ARHGEF17: variants seen among roughly 807,000 people sequenced by gnomAD.
ARHGEF17 encodes the protein 164 kDa Rho-specific guanine-nucleotide exchange factor.
ARHGEF17 carries 80 observed loss-of-function variants against 174.0 expected under a neutral mutation model. That is an observed-to-expected ratio of 0.46 (90% CI 0.38 to 0.55). The LOEUF (loss-of-function observed/expected upper bound fraction) is 0.55. ARHGEF17 is among the 20% of genes least tolerant of loss of function. The pLI, the probability that ARHGEF17 is intolerant of heterozygous loss-of-function variation, is 0.00. For missense variants in ARHGEF17, 2,886 were observed against 2,839.7 expected, an observed-to-expected ratio of 1.02 and a Z score of -0.37; for synonymous variants, 1,311 against 1,189.1, an observed-to-expected ratio of 1.10 and a Z score of -2.11.
chr11:73,362,765 C>T, intron 14 of ARHGEF17, 31 bp downstream of exon 14: 2 of 1,581,748 alleles, frequency 1.3e-6, no homozygotes, highest in Non-Finnish European at 1.7e-6. Context: ...CCAACTTGGC[C>T]TTGGCAGGCA....
chr11:73,321,090 C>A (rs534867567), intron 1 of ARHGEF17, among the ~76,000 whole-genome samples: 1 of 152,302 alleles, frequency 6.6e-6, no homozygotes, highest in South Asian at 2.1e-4. Flanking sequence ...GGCTGCTGGG[C>A]ACCTCTTTCC....
chr11:73,332,584 T>TGAGTGGGC (rs1865226333), intron 1 of ARHGEF17, among the ~76,000 whole-genome samples: 1 of 152,156 alleles, frequency 6.6e-6, no homozygotes, highest in African/African-American at 2.4e-5. Flanking sequence ...TGGAAAAGGC[T>TGAGTGGGC]GAGTGGGCGA....
Position 73,363,827 on chromosome 11 carries a change from G to A in ARHGEF17, c.5327G>A (p.Cys1776Tyr), listed in dbSNP as rs151153426. The A allele has an allele frequency of 2.1e-4, 341 of 1,613,782 alleles. 1 individual carries two copies. The highest frequency in any genetic ancestry group is 7.8e-4 in the East Asian group (35 of 44,898). ...MKLQHAASVT[C>Y]ILYLNNQVFV... ...CTCCAGCATGCGGCCTCTGTGACCT[G>A]CATCTTGTAAGGCCCCAGGGTGGCC... is the stretch of plus-strand genomic sequence containing the variant. The change falls in exon 16 of 21, where the codon TGC (cysteine) becomes TAC (tyrosine). Residue 1776 changes from cysteine to tyrosine, a missense_variant. Cys to Tyr is a radical substitution (Grantham distance 194). This residue lies in a region of ARHGEF17 where 329 missense variants were observed against 435.2 expected (regional missense o/e 0.76). Coordinates refer to ENST00000263674, the MANE Select transcript of ARHGEF17 (RefSeq NM_014786.4).
At chr11:73,364,631 C>A in intron 18 of ARHGEF17, 31 bp downstream of exon 18, 1 of 1,591,918 alleles carries the variant, frequency 6.3e-7, no homozygotes, top group South Asian at 1.1e-5. Flanking sequence ...GGAATTGGTG[C>A]CATGGGATGA....
chr11:73,327,938 C>T (rs1865131348), intron 1 of ARHGEF17, among the ~76,000 whole-genome samples: 1 of 152,140 alleles, frequency 6.6e-6, no homozygotes, highest in Non-Finnish European at 1.5e-5. Context: ...CGTGTTAGTA[C>T]TTAGTCCCTC....
chr11:73,325,921 G>T (rs1330775927), intron 1 of ARHGEF17, among the ~76,000 whole-genome samples: 2 of 152,266 alleles, frequency 1.3e-5, no homozygotes, highest in Non-Finnish European at 2.9e-5. Context: ...GAGAACCGGG[G>T]TGTTCACTGT....
intron 2 of ARHGEF17, 46 bp from the exon 3 acceptor site, chr11:73,352,784 G>C (rs749514771): frequency 6.2e-7 from 1 of 1,604,354 alleles, no homozygotes; most frequent in South Asian, 1.1e-5. Context: ...GTGTGGTGGG[G>C]GCGGCATCTC....
intron 2 of ARHGEF17, among the ~76,000 whole-genome samples, chr11:73,351,438 A>G (rs189387191): frequency 2.9e-4 from 44 of 152,234 alleles, no homozygotes; most frequent in African/African-American, 9.4e-4. Context: ...TTGCACGTAG[A>G]TTTGACGTAA....
At chr11:73,315,153 C>G (rs1288210235) in intron 1 of ARHGEF17, among the ~76,000 whole-genome samples, 1 of 152,134 alleles carries the variant, frequency 6.6e-6, no homozygotes, top group Non-Finnish European at 1.5e-5. Flanking sequence ...GGTGAGGGGT[C>G]CCAAGGAGAT....
intron 1 of ARHGEF17, 68 bp from the exon 2 acceptor site, chr11:73,346,815 T>G (rs1341934067): frequency 4.8e-6 from 6 of 1,249,658 alleles, no homozygotes; most frequent in Non-Finnish European, 6.3e-6. Flanking sequence ...CTGGGCACCA[T>G]GTGGCTACAG....
chr11:73,322,351 T>A (rs1277008083), intron 1 of ARHGEF17, among the ~76,000 whole-genome samples: 1 of 152,204 alleles, frequency 6.6e-6, no homozygotes, highest in Non-Finnish European at 1.5e-5. Flanking sequence ...CAGAACTGTC[T>A]ACCTGGAAAG....
intron 1 of ARHGEF17, among the ~76,000 whole-genome samples, chr11:73,329,366 TATATA>T (rs1865163230): frequency 2.0e-4 from 4 of 19,772 alleles, no homozygotes; most frequent in African/African-American, 4.2e-4. Flanking sequence ...TATATATATA[TATATA>T]TATTTTTTTT....
intron 1 of ARHGEF17, among the ~76,000 whole-genome samples, chr11:73,343,985 G>A (rs1236716779): frequency 3.3e-5 from 5 of 152,302 alleles, no homozygotes; most frequent in Admixed American, 1.3e-4. Flanking sequence ...CTCTGTGTGC[G>A]TGTCTGTCTT....
intron 9 of ARHGEF17, 33 bp from the exon 10 acceptor site, chr11:73,359,799 CTG>C: frequency 1.3e-6 from 2 of 1,519,334 alleles, no homozygotes; most frequent in Non-Finnish European, 1.8e-6. Flanking sequence ...TTGTCTGTCT[CTG>C]TATCAGTCCA....
chr11:73,365,674 C>A lies in ARHGEF17; in HGVS notation c.5726-4C>A, dbSNP rs2134424642. On this transcript the variant is annotated splice_polypyrimidine_tract_variant and splice_region_variant and intron_variant, in intron 19 of 20. Transcript: ENST00000263674. This position sits in a 1 kb window ranked among gnomAD's most constrained non-coding sequence, Gnocchi z 4.9. Reference sequence around the variant, plus strand: ...CCCCAGCTGTGGTCTGTCTCCCACCCCAGGCTCGGATGCCATCATCCGGCA... The same window carrying A: ...CCCCAGCTGTGGTCTGTCTCCCACCACAGGCTCGGATGCCATCATCCGGCA... 6.2e-7 allele frequency: 1 copy of A among 1,611,512 alleles called. No individual in the cohort carries two copies. The highest frequency in any genetic ancestry group is 8.5e-7 in the Non-Finnish European group (1 of 1,178,278).
intron 1 of ARHGEF17, among the ~76,000 whole-genome samples, chr11:73,345,495 T>C (rs367986435): frequency 2.0e-4 from 31 of 151,650 alleles, no homozygotes; most frequent in African/African-American, 7.0e-4. Context: ...CTGAAGTGGG[T>C]GTGCCACAAG....
chr11:73,314,587 G>A (rs190079404), intron 1 of ARHGEF17, among the ~76,000 whole-genome samples: 4 of 152,338 alleles, frequency 2.6e-5, no homozygotes, highest in East Asian at 3.9e-4. Context: ...AGGAGCCAGC[G>A]GTGTGGCTGG....
intron 1 of ARHGEF17, among the ~76,000 whole-genome samples, chr11:73,314,554 C>A (rs966622301): frequency 5.9e-5 from 9 of 152,140 alleles, no homozygotes; most frequent in African/African-American, 2.2e-4. Context: ...AGTCAGCCTG[C>A]AGGGGGTGTC....
chr11:73,329,354 TATATATATATA>T lies in ARHGEF17; in HGVS notation c.3192+17525_3193-17518del, dbSNP rs1218216351. The stretch of plus-strand genomic sequence containing the variant: ...ATATATATATATATATATATATATA[TATATATATATA>T]TATATATATTTTTTTTTTTTTTTTG... On this transcript the variant is annotated intron_variant, in intron 1 of 20. Transcript: ENST00000263674. 1.2e-3 allele frequency among the ~76,000 whole-genome samples: 51 copies of T among 41,336 alleles called. 5 individuals carry two copies. The highest frequency in any genetic ancestry group is 1.7e-3 in the African/African-American group (9 of 5,250). 27.1% of individuals were successfully genotyped at this position (41,336 alleles called of 152,430 possible).
Sources: allele counts gnomAD v4.1 joint callset (sites outside exome capture counted in the v4.1 genomes callset), GRCh38; gene constraint gnomAD v4.1.1; regional missense constraint gnomAD v4.1.1; non-coding constraint Gnocchi (gnomAD v3.1); transcripts MANE v1.5; gene names NCBI Gene and HGNC (gene_info 2026-07-23, HGNC 2026-07-21).